Variants in HTR2C observed in about 807,000 individuals in gnomAD.
The protein encoded by HTR2C is 5-hydroxytryptamine receptor 2C, also known as 5-hydroxytryptamine (serotonin) receptor 2C, G protein-coupled.
A neutral mutation model predicts 21.0 loss-of-function variants in HTR2C; 5 were observed. That is an observed-to-expected ratio of 0.24 (90% CI 0.12 to 0.50). The LOEUF is 0.50. Among genes scored for constraint, HTR2C ranks in the 20% least tolerant of loss-of-function variants. HTR2C has a pLI of 0.98. For synonymous variants in HTR2C, 150 were observed against 145.3 expected, an observed-to-expected ratio of 1.03 and a Z score of -0.23; for missense variants, 271 against 371.2, an observed-to-expected ratio of 0.73 and a Z score of 2.22.
At chrX:114,884,736 C>G (rs1368103578) in intron 5 of HTR2C, among the ~76,000 whole-genome samples, 1 of 111,397 alleles carries the variant, frequency 9.0e-6, no homozygotes, top group Non-Finnish European at 1.9e-5. Flanking sequence ...ACTATGGAAA[C>G]CAGTATGAAG....
rs1569495494 is a variant in HTR2C, at chrX:114,805,599, CCATATATAT to C, written c.350-42403_350-42395del. Among the ~76,000 whole-genome samples, 35 of 41,691 alleles carry C rather than the reference CCATATATAT, an allele frequency of 8.4e-4. 6 individuals carry two copies. Among genetic ancestry groups the C allele is most frequent in the African/African-American group, 2.9e-3 (32 of 11,014 alleles). The allele number at this position is 41,691 out of a possible 115,157, so 36.2% of individuals were successfully genotyped here. A position where few individuals can be genotyped will look rare whatever the true frequency, so the allele number is the denominator to read the frequency against. On this transcript the variant is annotated intron_variant, in intron 4 of 5. Transcript: ENST00000276198. ...ACCATATATATACACCATATATATA[CCATATATAT>C]ACACATCATATATATACCATATATA... is the stretch of plus-strand genomic sequence containing the variant.
chrX:114,726,169 T>G (rs1273607308), intron 2 of HTR2C, among the ~76,000 whole-genome samples: 11 of 112,386 alleles, frequency 9.8e-5, no homozygotes, highest in African/African-American at 3.6e-4. Context: ...TCAGTGAGAC[T>G]CCGTGGGCAT....
At chrX:114,827,292 AT>A (rs1220306160) in intron 4 of HTR2C, among the ~76,000 whole-genome samples, 1 of 110,956 alleles carries the variant, frequency 9.0e-6, no homozygotes, top group African/African-American at 3.3e-5. Context: ...TTCAACCTAT[AT>A]ATACATATTT....
chrX:114,691,055 A>C (rs889205969), intron 2 of HTR2C, among the ~76,000 whole-genome samples: 4 of 111,211 alleles, frequency 3.6e-5, no homozygotes, highest in Non-Finnish European at 7.6e-5. Flanking sequence ...ACTCTTACTA[A>C]TTCCATTTTA....
intron 2 of HTR2C, among the ~76,000 whole-genome samples, chrX:114,719,001 T>C (rs1297417855): frequency 8.2e-5 from 8 of 98,040 alleles, no homozygotes; most frequent in African/African-American, 1.1e-4. Context: ...ATATAATATA[T>C]AATAATAATA....
chrX:114,802,949 T>A (rs782759925), intron 4 of HTR2C, among the ~76,000 whole-genome samples: 2,065 of 78,467 alleles, frequency 0.026, 26 homozygotes, highest in Non-Finnish European at 0.04. Context: ...TTCTCATTGT[T>A]CAATTCCCAC....
intron 2 of HTR2C, among the ~76,000 whole-genome samples, chrX:114,660,583 A>G (rs958696530): frequency 6.2e-5 from 7 of 112,579 alleles, no homozygotes; most frequent in Admixed American, 1.9e-4. Context: ...TTTCCAATCC[A>G]TATTTTACTA....
intron 5 of HTR2C, among the ~76,000 whole-genome samples, chrX:114,868,543 A>G (rs1416357772): frequency 8.9e-6 from 1 of 111,901 alleles, no homozygotes; most frequent in Non-Finnish European, 1.9e-5. Flanking sequence ...ATGTGCTACC[A>G]TGATTGATCC....
At chrX:114,623,304 T>G (rs781886884) in intron 2 of HTR2C, among the ~76,000 whole-genome samples, 1 of 112,474 alleles carries the variant, frequency 8.9e-6, no homozygotes, top group East Asian at 2.8e-4. Context: ...ATACCAGATG[T>G]TAAACAAATG....
At chrX:114,660,031 G>A (rs1556409894) in intron 2 of HTR2C, among the ~76,000 whole-genome samples, 1 of 111,780 alleles carries the variant, frequency 8.9e-6, no homozygotes, top group African/African-American at 3.2e-5. Flanking sequence ...TGATGAATTT[G>A]GATGTTATAT....
At chrX:114,897,271 G>GA (rs1340624344) in intron 5 of HTR2C, among the ~76,000 whole-genome samples, 2 of 111,383 alleles carry the variant, frequency 1.8e-5, no homozygotes, top group Admixed American at 1.9e-4. Flanking sequence ...AAGAAATTAG[G>GA]AAAAAATAAA....
intron 2 of HTR2C, among the ~76,000 whole-genome samples, chrX:114,720,541 G>A (rs1206336181): frequency 1.0e-5 from 1 of 99,644 alleles, no homozygotes; most frequent in East Asian, 3.3e-4. Context: ...TATACTTTAA[G>A]TTTTAGGGTA....
intron 2 of HTR2C, among the ~76,000 whole-genome samples, chrX:114,701,708 G>C (rs781851164): frequency 1.8e-5 from 2 of 112,531 alleles, no homozygotes; most frequent in African/African-American, 6.5e-5. Flanking sequence ...AAAGCTGGAC[G>C]GAGAATGACC....
At chrX:114,707,690 A>G (rs192875520) in intron 2 of HTR2C, among the ~76,000 whole-genome samples, 20 of 110,593 alleles carry the variant, frequency 1.8e-4, no homozygotes, top group African/African-American at 6.2e-4. Flanking sequence ...TTTACAGGCC[A>G]TTTATTCCAT....
chrX:114,598,700 G>A (rs1556393367), intron 1 of HTR2C, among the ~76,000 whole-genome samples: 1 of 111,063 alleles, frequency 9.0e-6, no homozygotes, highest in African/African-American at 3.3e-5. Flanking sequence ...TCCATTTTAT[G>A]AGATTATTTT....
intron 4 of HTR2C, among the ~76,000 whole-genome samples, chrX:114,808,252 C>T (rs782488311): frequency 3.6e-5 from 4 of 111,198 alleles, no homozygotes; most frequent in South Asian, 7.6e-4. Flanking sequence ...GCTTATTTTG[C>T]GTAACACAAT....
intron 4 of HTR2C, chrX:114,774,956 G>C (rs1458983495): frequency 3.8e-6 from 2 of 520,379 alleles, no homozygotes; most frequent in Non-Finnish European, 7.0e-6. Flanking sequence ...CTAATGATGA[G>C]ATTGCAGACT....
rs138538272 is a variant in HTR2C at position 114,897,729 on chromosome X, C to T, written c.551-8860C>T. Among the ~76,000 whole-genome samples the T allele has an allele frequency of 5.4e-3, 604 of 112,267 alleles. 5 individuals are homozygous for T. Among genetic ancestry groups the T allele is most frequent in the African/African-American group, 0.019 (578 of 30,931 alleles). On this transcript the variant is annotated intron_variant, in intron 5 of 5. Coordinates refer to ENST00000276198, the MANE Select transcript of HTR2C (RefSeq NM_000868.4). The stretch of plus-strand genomic sequence containing the variant: ...GCTCCATTCATATTCCTGCAAAGGA[C>T]GTAATCTCATTCCTTTTTATGGCTG...
chrX:114,776,476 C>T, intron 4 of HTR2C: 1 of 577,241 alleles, frequency 1.7e-6, no homozygotes, highest in South Asian at 2.3e-5. Flanking sequence ...GGACCTTGGG[C>T]CTGTCAGTAT....
Sources: allele counts gnomAD v4.1 joint callset (sites outside exome capture counted in the v4.1 genomes callset), GRCh38; gene constraint gnomAD v4.1.1; transcripts MANE v1.5; gene names NCBI Gene and HGNC (gene_info 2026-07-23, HGNC 2026-07-21).